SNURF: variants seen among roughly 807,000 people sequenced by gnomAD.
The protein encoded by SNURF is SNRPN upstream open reading frame, also known as SNURF protein.
SNURF carries 6 observed loss-of-function variants against 11.6 expected under a neutral mutation model. The ratio of observed to expected loss-of-function variants is 0.52; its 90% CI spans 0.28 to 1.02. The LOEUF (loss-of-function observed/expected upper bound fraction) is 1.02. Among genes scored for constraint, SNURF ranks in the 50% least tolerant of loss-of-function variants. SNURF has a pLI of 0.09. For missense variants in SNURF, 84 were observed against 88.4 expected (o/e 0.95, Z 0.20); for synonymous variants, 29 against 31.6 (o/e 0.92, Z 0.27).
At chr15:24,967,969 G>T (rs1226505818) in exon 3 of SNURF, 1 of 1,614,162 alleles carries the variant, frequency 6.2e-7, no homozygotes, top group Admixed American at 1.7e-5. Flanking sequence ...GCAGCAGCAA[G>T]TACCTGTGGT....
At chr15:24,957,374 G>C (rs1409982834) in intron 1 of SNURF, among the ~76,000 whole-genome samples, 2 of 152,184 alleles carry the variant, frequency 1.3e-5, no homozygotes, top group Non-Finnish European at 2.9e-5. Context: ...GTGGGGTTGT[G>C]CTTTGGATCA....
downstream of SNURF, among the ~76,000 whole-genome samples, chr15:24,972,993 T>G (rs1452840052): frequency 6.6e-6 from 1 of 152,160 alleles, no homozygotes; most frequent in Non-Finnish European, 1.5e-5. Flanking sequence ...TTTCAAGCGA[T>G]TCTCCTGCCT....
At chr15:24,974,517 GC>G in intron 3 of SNURF, 1 of 1,509,402 alleles carries the variant, frequency 6.6e-7, no homozygotes, top group Non-Finnish European at 9.2e-7. Context: ...GAAATAGTTT[GC>G]CAGCATGTGC....
At chr15:24,962,589 T>C (rs1012262572) in intron 2 of SNURF, among the ~76,000 whole-genome samples, 2 of 152,138 alleles carry the variant, frequency 1.3e-5, no homozygotes, top group Non-Finnish European at 2.9e-5. Flanking sequence ...GATATTTAGG[T>C]GTTTGTTTTT....
intron 1 of SNURF, among the ~76,000 whole-genome samples, chr15:24,956,187 G>T (rs1383085063): frequency 6.6e-6 from 1 of 152,188 alleles, no homozygotes; most frequent in African/African-American, 2.4e-5. Flanking sequence ...TGATAGGCCA[G>T]GTGATGCCTG....
intron 3 of SNURF, among the ~76,000 whole-genome samples, chr15:24,973,835 G>A (rs1284259276): frequency 6.6e-6 from 1 of 152,172 alleles, no homozygotes; most frequent in Non-Finnish European, 1.5e-5. Flanking sequence ...AACACACTTG[G>A]CTCTTAGTGG....
At chr15:24,975,657 T>G (rs555824890) in intron 4 of SNURF, 1 of 655,126 alleles carries the variant, frequency 1.5e-6, no homozygotes, top group South Asian at 2.1e-5. Flanking sequence ...TGACCTGATC[T>G]CTGAATTAGG....
chr15:24,956,323 G>A (rs1323128557), intron 1 of SNURF, among the ~76,000 whole-genome samples: 2 of 149,606 alleles, frequency 1.3e-5, no homozygotes, highest in African/African-American at 4.9e-5. Context: ...GGCCGCCGCT[G>A]CAGCGGCTTA....
chr15:24,970,898 CA>C (rs2076316988), downstream of SNURF, among the ~76,000 whole-genome samples: 2 of 151,958 alleles, frequency 1.3e-5, no homozygotes, highest in Admixed American at 6.6e-5. Flanking sequence ...TAATATTTTG[CA>C]TTTAGTTTTC....
chr15:24,970,579 C>CA (rs949989236), downstream of SNURF, among the ~76,000 whole-genome samples: 4 of 150,890 alleles, frequency 2.7e-5, no homozygotes, highest in Non-Finnish European at 4.4e-5. Context: ...ACTTCTATCT[C>CA]AAAAAAAAAT....
At chr15:24,968,473 A>G (rs1271552637), downstream of SNURF, 1 of 157,096 alleles carries the variant, frequency 6.4e-6, no homozygotes, top group Non-Finnish European at 1.4e-5. Context: ...AACTTAGAAT[A>G]ATTTTTTCAA....
intron 1 of SNURF, among the ~76,000 whole-genome samples, chr15:24,955,693 TTGG>T (rs917667380): frequency 2.1e-5 from 3 of 145,078 alleles, no homozygotes; most frequent in African/African-American, 5.1e-5. Context: ...GGGGGTTGTG[TTGG>T]TGGTCGCGGC....
chr15:24,974,453 C>T (rs758068137), intron 3 of SNURF: 7 of 1,613,654 alleles, frequency 4.3e-6, no homozygotes, highest in South Asian at 2.2e-5. Flanking sequence ...GAACAGCAAT[C>T]ATGGTAAGCT....
intron 1 of SNURF, among the ~76,000 whole-genome samples, chr15:24,958,386 C>CT (rs75210247): frequency 0.057 from 7,121 of 124,162 alleles, 533 homozygotes; most frequent in African/African-American, 0.18. Flanking sequence ...GTCCTGTCTC[C>CT]TTTTTTTTTT....
intron 1 of SNURF, among the ~76,000 whole-genome samples, chr15:24,956,060 CAG>C (rs2062809863): frequency 6.6e-6 from 1 of 152,062 alleles, no homozygotes; most frequent in Admixed American, 6.5e-5. Flanking sequence ...TACACTGCCG[CAG>C]GGGCTGCAGA....
At position 24,968,130 on chromosome 15, in the gene SNURF, T is replaced by C. The variant is rs1459519268; in HGVS notation, c.*93T>C. ...TCAAGAATAAAGAATCATTAAAGAA[T>C]GGGGTGTTGGGGGTTCTCTTAATTA... On this transcript the variant is annotated 3_prime_UTR_variant, in exon 3 of 3. Transcript: ENST00000577949. 5 of 1,083,914 alleles carry C rather than the reference T, an allele frequency of 4.6e-6. No homozygotes were observed. The African/African-American group carries it at 4.7e-5, about 10-fold the overall frequency. 67.1% of individuals were successfully genotyped at this position (1,083,914 alleles called of 1,614,324 possible). A position where few individuals can be genotyped will look rare whatever the true frequency, so the allele number is the denominator to read the frequency against.
intron 3 of SNURF, chr15:24,974,272 GT>G (rs538021859): frequency 1.3e-5 from 8 of 610,498 alleles, no homozygotes; most frequent in Non-Finnish European, 2.4e-5. Context: ...TTAAAACATG[GT>G]AGATTGCAGT....
intron 2 of SNURF, among the ~76,000 whole-genome samples, chr15:24,965,848 C>G (rs1016480124): frequency 4.0e-5 from 6 of 151,600 alleles, no homozygotes; most frequent in Admixed American, 3.3e-4. Context: ...AATTATCTTA[C>G]GTTTCAAGAT....
chr15:24,972,451 T>G (rs191862697), downstream of SNURF, among the ~76,000 whole-genome samples: 5 of 152,164 alleles, frequency 3.3e-5, no homozygotes, highest in East Asian at 7.7e-4. Context: ...AAAGTTCTTT[T>G]GAGATCTTTA....
Sources: gnomAD v4.1 joint callset for allele counts (sites outside exome capture counted in the v4.1 genomes callset) on GRCh38, gnomAD v4.1.1 for gene constraint, MANE v1.5 for transcripts, NCBI Gene and HGNC (gene_info 2026-07-23, HGNC 2026-07-21) for gene names.